Variants in ZSWIM8 observed in about 807,000 individuals in gnomAD.
The protein encoded by ZSWIM8 is zinc finger SWIM domain-containing protein 8.
A neutral mutation model predicts 173.7 loss-of-function variants in ZSWIM8; 27 were observed. That is an observed-to-expected ratio of 0.16 (90% CI 0.11 to 0.21). The LOEUF (loss-of-function observed/expected upper bound fraction) is 0.21. Among genes scored for constraint, ZSWIM8 ranks in the 10% least tolerant of loss-of-function variants. The pLI is 1.00. For synonymous variants in ZSWIM8, 958 were observed against 962.0 expected (o/e 1.00, Z 0.08); for missense variants, 1,627 against 2,428.8 (o/e 0.67, Z 6.94).
chr10:73,792,947 G>T lies in ZSWIM8; in HGVS notation c.2313+95G>T. ...TTGGGAGTGTCAGGACCATCAGCAG[G>T]ATTGTGAGAACCCTGTTGCAGGCGC... On this transcript the variant is annotated intron_variant, in intron 10 of 25. Transcript: ENST00000604729. The surrounding 1 kb of genome is among the most constrained non-coding windows in gnomAD (Gnocchi z 4.3). 6 of 1,432,618 alleles carry T rather than the reference G, an allele frequency of 4.2e-6. No homozygotes were observed. The highest frequency in any genetic ancestry group is 5.6e-6 in the Non-Finnish European group (6 of 1,076,468). The allele number at this position is 1,432,618 out of a possible 1,614,324, so 88.7% of individuals were successfully genotyped here. A position where few individuals can be genotyped will look rare whatever the true frequency, so the allele number is the denominator to read the frequency against.
In ZSWIM8 at chr10:73,789,581, A is replaced by C; in HGVS notation, c.630+42A>C. On this transcript the variant is annotated intron_variant, in intron 4 of 25. Coordinates refer to ENST00000604729, the MANE Select transcript of ZSWIM8 (RefSeq NM_001367799.1). This position sits in a 1 kb window ranked among gnomAD's most constrained non-coding sequence, Gnocchi z 6.8. ...TTATCCCGGCCCTATCCTACACTCC[A>C]TCCCCCCCTTCTCTGCTGCATGCCT... The C allele has an allele frequency of 6.3e-7, 1 of 1,594,180 alleles. No individual in the cohort carries two copies.
rs777780219 is a variant in ZSWIM8 at position 73,801,461 on chromosome 10, A to G, written c.5447A>G (p.Lys1816Arg). ...ATCCTACAGAACCTCAAGCGCAGCA[A>G]ACAGACCAAGGAGCTGTGGCAGCGG... ...NDILQNLKRS[K>R]QTKELWQRVS... The change falls in exon 26 of 26, where the codon AAA becomes AGA. Residue 1816 changes from lysine (K) to arginine (R), a missense_variant. Coordinates refer to ENST00000604729, the MANE Select transcript of ZSWIM8 (RefSeq NM_001367799.1). The surrounding 1 kb of genome is among the most constrained non-coding windows in gnomAD (Gnocchi z 4.9). 2.5e-6 allele frequency: 4 copies of G among 1,613,848 alleles called. No homozygotes were observed. The highest frequency in any genetic ancestry group is 3.4e-6 in the Non-Finnish European group (4 of 1,179,890).
chr10:73,793,821 A>G, intron 11 of ZSWIM8, 44 bp from the exon 12 acceptor site: 2 of 1,577,650 alleles, frequency 1.3e-6, no homozygotes, highest in Non-Finnish European at 1.7e-6. Context: ...CACCAAGGTA[A>G]GTCAGAATCA....
At position 73,792,682 on chromosome 10, in the gene ZSWIM8, A is replaced by C; in HGVS notation, c.2143A>C (p.Thr715Pro). 6.2e-7 allele frequency: 1 copy of C among 1,613,882 alleles called. No individual in the cohort carries two copies. Among genetic ancestry groups the C allele is most frequent in the South Asian group, 1.1e-5 (1 of 91,078 alleles). ...TGAGAGTGGCAATGGGCTTCCCAAA[A>C]CCAAAGAGGCAGCCCCTGCAGTTGG... Reference protein sequence around the residue: ...TDESGNGLPKTKEAAPAVGEE... With the variant: ...TDESGNGLPKPKEAAPAVGEE... Residue 715 changes from threonine to proline, a missense_variant, in exon 10 of 26, where the codon ACC (threonine) becomes CCC (proline). Around this residue, in one of 18 missense-constraint regions of ZSWIM8, gnomAD observed 383 missense variants for 394.8 expected, o/e 0.97. Coordinates refer to ENST00000604729, the MANE Select transcript of ZSWIM8 (RefSeq NM_001367799.1). The surrounding 1 kb of genome is among the most constrained non-coding windows in gnomAD (Gnocchi z 4.3).
chr10:73,797,525 C>T lies in ZSWIM8; in HGVS notation c.3582C>T (p.Ser1194=), dbSNP rs764293130. 4 of 1,613,990 alleles carry T rather than the reference C, an allele frequency of 2.5e-6. No homozygotes were observed. The highest frequency in any genetic ancestry group is 1.7e-6 in the Non-Finnish European group (2 of 1,179,876). Residue 1194 remains serine, a synonymous_variant, in exon 18 of 26, where the codon TCC becomes TCT. Transcript: ENST00000604729. This position sits in a 1 kb window ranked among gnomAD's most constrained non-coding sequence, Gnocchi z 5.6. ...SDSISSSSSD[S]LGSSSSSGSR... ...GCATTAGCAGCTCTTCTTCGGACTC[C>T]CTGGGCTCCTCATCCTCCAGTGGAA...
In ZSWIM8 at chr10:73,799,471, C is replaced by T; in HGVS notation, c.4646C>T (p.Pro1549Leu). The change falls in exon 21 of 26, where the codon CCC (proline) becomes CTC (leucine). Residue 1549 changes from proline (P) to leucine (L), a missense_variant. Pro to Leu is a moderately conservative substitution (Grantham distance 98). Around this residue, in one of 18 missense-constraint regions of ZSWIM8, gnomAD observed 275 missense variants for 290.1 expected, o/e 0.95. Coordinates refer to ENST00000604729, the MANE Select transcript of ZSWIM8 (RefSeq NM_001367799.1). Reference protein sequence around the residue: ...HMPRPAVFPVPSSAYPQGVHP... With the variant: ...HMPRPAVFPVLSSAYPQGVHP... The stretch of plus-strand genomic sequence containing the variant: ...CCCCGGCCTGCCGTCTTCCCTGTGC[C>T]CAGCTCTGCATACCCACAGGTGAGA... 1 of 1,599,286 alleles carries T rather than the reference C, an allele frequency of 6.3e-7. No individual in the cohort carries two copies. Among genetic ancestry groups the T allele is most frequent in the African/African-American group, 1.3e-5 (1 of 74,722 alleles).
chr10:73,785,691 G>A lies in ZSWIM8; in HGVS notation c.-188G>A, dbSNP rs1287776486. ...CCAAGATCACCGCTTGCACCGCGCTGTTGGGCGAGGCCCGGTCCCGTCTCT... is the reference window on the plus strand; with the variant it reads ...CCAAGATCACCGCTTGCACCGCGCTATTGGGCGAGGCCCGGTCCCGTCTCT... On this transcript the variant is annotated 5_prime_UTR_variant, in exon 1 of 26. Coordinates refer to ENST00000604729, the MANE Select transcript of ZSWIM8 (RefSeq NM_001367799.1). 2.9e-6 allele frequency: 2 copies of A among 681,680 alleles called. No individual in the cohort carries two copies. The highest frequency in any genetic ancestry group is 2.1e-5 in the Admixed American group (1 of 46,560). The allele number at this position is 681,680 out of a possible 1,614,324, so 42.2% of individuals were successfully genotyped here.
At position 73,791,589 on chromosome 10, in the gene ZSWIM8, C is replaced by A; in HGVS notation, c.1319+90C>A. 1 of 1,393,340 alleles carries A rather than the reference C, an allele frequency of 7.2e-7. No individual in the cohort carries two copies. Among genetic ancestry groups the A allele is most frequent in the Non-Finnish European group, 9.5e-7 (1 of 1,050,766 alleles). 86.3% of individuals were successfully genotyped at this position (1,393,340 alleles called of 1,614,324 possible). A position where few individuals can be genotyped will look rare whatever the true frequency, so the allele number is the denominator to read the frequency against. ...CATCTCCTTGTTTGCAGAGACATAC[C>A]ATGATTTTAGTCCTCGGGAAACGGG... On this transcript the variant is annotated intron_variant, in intron 9 of 25. Coordinates refer to ENST00000604729, the MANE Select transcript of ZSWIM8 (RefSeq NM_001367799.1). This position sits in a 1 kb window ranked among gnomAD's most constrained non-coding sequence, Gnocchi z 6.0.
chr10:73,794,198 C>T lies in ZSWIM8; in HGVS notation c.2677C>T (p.Pro893Ser). Residue 893 changes from proline (P) to serine (S), a missense_variant, in exon 13 of 26, where the codon CCT becomes TCT. By Grantham distance (74) the Pro-to-Ser change is moderately conservative (BLOSUM62 -1). Around this residue, in one of 18 missense-constraint regions of ZSWIM8, gnomAD observed 169 missense variants for 235.3 expected, o/e 0.72. Transcript: ENST00000604729. ...SEVAALLKKIPLGPSEMSTMR... is the reference protein window; with the variant it reads ...SEVAALLKKISLGPSEMSTMR... ...GGTGGCTGCCCTGCTCAAGAAGATC[C>T]CTCTGGGTCCAAGTGAGATGAGTAC... 6.2e-7 allele frequency: 1 copy of T among 1,614,020 alleles called. No individual in the cohort carries two copies. The highest frequency in any genetic ancestry group is 1.1e-5 in the South Asian group (1 of 91,084).
At position 73,801,249 on chromosome 10, in the gene ZSWIM8, C is replaced by T. The variant is rs2083946684; in HGVS notation, c.5301+54C>T. ...GGAGCACTTCCTGGGTGGTCTTGGACCAGAGGGAGGCAGGGCCTGTTTCTG... is the reference window on the plus strand; with the variant it reads ...GGAGCACTTCCTGGGTGGTCTTGGATCAGAGGGAGGCAGGGCCTGTTTCTG... On this transcript the variant is annotated intron_variant, in intron 25 of 25. Coordinates refer to ENST00000604729, the MANE Select transcript of ZSWIM8 (RefSeq NM_001367799.1). This position sits in a 1 kb window ranked among gnomAD's most constrained non-coding sequence, Gnocchi z 4.9. 6.2e-7 allele frequency: 1 copy of T among 1,602,980 alleles called. No individual in the cohort carries two copies. The highest frequency in any genetic ancestry group is 2.2e-5 in the East Asian group (1 of 44,580).
At chr10:73,790,340 C>G in intron 7 of ZSWIM8, 48 bp downstream of exon 7, 1 of 1,550,410 alleles carries the variant, frequency 6.4e-7, no homozygotes, top group Non-Finnish European at 8.7e-7. Context: ...GGGGGAGCGT[C>G]CCTCAGGCTG....
In ZSWIM8 at chr10:73,800,560, C is replaced by A; in HGVS notation, c.5003-80C>A. 6.2e-7 allele frequency: 1 copy of A among 1,602,364 alleles called. No individual in the cohort carries two copies. Among genetic ancestry groups the A allele is most frequent in the Non-Finnish European group, 8.5e-7 (1 of 1,173,132 alleles). Reference sequence around the variant, plus strand: ...CTTCCTCTAGCTCTTCATTTGTTTACTGTGGGGTCAGGTGACAGGTTGGGG... The same window carrying A: ...CTTCCTCTAGCTCTTCATTTGTTTAATGTGGGGTCAGGTGACAGGTTGGGG... On this transcript the variant is annotated intron_variant, in intron 23 of 25. Coordinates refer to ENST00000604729, the MANE Select transcript of ZSWIM8 (RefSeq NM_001367799.1). The surrounding 1 kb of genome is among the most constrained non-coding windows in gnomAD (Gnocchi z 4.1).
intron 15 of ZSWIM8, chr10:73,796,441 A>G: frequency 2.4e-6 from 1 of 422,094 alleles, no homozygotes; most frequent in Non-Finnish European, 4.5e-6. Context: ...ATAAAGAATA[A>G]GAGAAGACCA....
chr10:73,788,240 T>TA (rs71482558), intron 1 of ZSWIM8, among the ~76,000 whole-genome samples: 1,715 of 135,424 alleles, frequency 0.013, 30 homozygotes, highest in African/African-American at 0.033. Flanking sequence ...AAGGGATGGT[T>TA]AAAAAAAAAA....
chr10:73,792,248 G>A lies in ZSWIM8; in HGVS notation c.1709G>A (p.Gly570Glu), dbSNP rs753329437. 1.9e-6 allele frequency: 3 copies of A among 1,574,658 alleles called. No homozygotes were observed. Among genetic ancestry groups the A allele is most frequent in the East Asian group, 2.3e-5 (1 of 44,412 alleles). Residue 570 changes from glycine (G) to glutamate (E), a missense_variant, in exon 10 of 26, where the codon GGG becomes GAG. By Grantham distance (98) the Gly-to-Glu change is moderately conservative. Coordinates refer to ENST00000604729, the MANE Select transcript of ZSWIM8 (RefSeq NM_001367799.1). The surrounding 1 kb of genome is among the most constrained non-coding windows in gnomAD (Gnocchi z 4.3). ...QRGPRRLSAE[G>E]GDKALHKMGP... is the part of the protein sequence containing the mutation. Reference sequence around the variant, plus strand: ...GGTCCCCGCCGCCTCTCAGCTGAAGGGGGAGATAAAGCTCTACATAAGATG... The same window carrying A: ...GGTCCCCGCCGCCTCTCAGCTGAAGAGGGAGATAAAGCTCTACATAAGATG...
intron 7 of ZSWIM8, 134 bp downstream of exon 7, chr10:73,790,426 C>A: frequency 7.7e-6 from 10 of 1,304,644 alleles, no homozygotes; most frequent in African/African-American, 1.5e-5. Context: ...GCCTGGCACA[C>A]AGTTGTCACT....
intron 6 of ZSWIM8, 54 bp downstream of exon 6, chr10:73,790,091 A>G (rs1199144930): frequency 5.0e-6 from 8 of 1,609,908 alleles, no homozygotes; most frequent in Non-Finnish European, 6.8e-6. Context: ...TGTAGTACAG[A>G]GCGCCATTTA....
At position 73,801,008 on chromosome 10, in the gene ZSWIM8, GC is replaced by G; in HGVS notation, c.5123-3del. 6.5e-7 allele frequency: 1 copy of G among 1,537,546 alleles called. No homozygotes were observed. The highest frequency in any genetic ancestry group is 8.8e-7 in the Non-Finnish European group (1 of 1,136,452). ...ACCCCCGTCTCATGCCCCTCCCCCTGCCCCCCAGGAGTGAACTACGTGCACC... is the reference window on the plus strand; with the variant it reads ...ACCCCCGTCTCATGCCCCTCCCCCTGCCCCCAGGAGTGAACTACGTGCACC... On this transcript the variant is annotated splice_polypyrimidine_tract_variant and splice_region_variant and intron_variant, in intron 24 of 25. Coordinates refer to ENST00000604729, the MANE Select transcript of ZSWIM8 (RefSeq NM_001367799.1). This position sits in a 1 kb window ranked among gnomAD's most constrained non-coding sequence, Gnocchi z 4.9.
At position 73,800,564 on chromosome 10, in the gene ZSWIM8, G is replaced by C. The variant is rs2083894576; in HGVS notation, c.5003-76G>C. ...CTCTAGCTCTTCATTTGTTTACTGT[G>C]GGGTCAGGTGACAGGTTGGGGTAAA... On this transcript the variant is annotated intron_variant, in intron 23 of 25. Transcript: ENST00000604729. This position sits in a 1 kb window ranked among gnomAD's most constrained non-coding sequence, Gnocchi z 4.1. 6.2e-7 allele frequency: 1 copy of C among 1,602,328 alleles called. No individual in the cohort carries two copies. The highest frequency in any genetic ancestry group is 8.5e-7 in the Non-Finnish European group (1 of 1,173,076).
Sources: gnomAD v4.1 joint callset for allele counts (sites outside exome capture counted in the v4.1 genomes callset) on GRCh38, gnomAD v4.1.1 for gene constraint, gnomAD v4.1.1 regional missense constraint, Gnocchi (gnomAD v3.1) non-coding constraint, MANE v1.5 for transcripts, NCBI Gene and HGNC (gene_info 2026-07-23, HGNC 2026-07-21) for gene names.